The following ARL13B variants were observed in gnomAD, a reference collection of about 807,000 sequenced individuals.
ARL13B encodes ARF like GTPase 13B, also known as ADP-ribosylation factor-like protein 13B.
A neutral mutation model predicts 56.1 loss-of-function variants in ARL13B; 36 were observed. The ratio of observed to expected loss-of-function variants is 0.64; its 90% CI spans 0.49 to 0.85. ARL13B has a LOEUF of 0.85. ARL13B is among the 40% of genes least tolerant of loss of function. The pLI is 0.00. For missense variants in ARL13B, 519 were observed against 507.1 expected (o/e 1.02, Z -0.23); for synonymous variants, 178 against 171.1 (o/e 1.04, Z -0.32).
intron 3 of ARL13B, among the ~76,000 whole-genome samples, chr3:94,021,530 A>G (rs988770043): frequency 6.6e-6 from 1 of 152,184 alleles, no homozygotes; most frequent in Non-Finnish European, 1.5e-5. Flanking sequence ...TTATCCAGGT[A>G]TAGATACTTA....
intron 2 of ARL13B, among the ~76,000 whole-genome samples, chr3:93,998,097 T>A (rs776308844): frequency 2.0e-5 from 3 of 152,266 alleles, no homozygotes; most frequent in Non-Finnish European, 4.4e-5. Context: ...GGAAATATTT[T>A]TCTTTTAATT....
chr3:93,983,686 G>T (rs1368262359), intron 1 of ARL13B, among the ~76,000 whole-genome samples: 1 of 151,998 alleles, frequency 6.6e-6, no homozygotes, highest in Non-Finnish European at 1.5e-5. Context: ...TTACTAGGAA[G>T]ATTAACTTTT....
At chr3:93,980,621 G>C in intron 1 of ARL13B, 139 bp downstream of exon 1, 1 of 1,059,332 alleles carries the variant, frequency 9.4e-7, no homozygotes, top group Non-Finnish European at 1.4e-6. Flanking sequence ...GGGTGTCCCG[G>C]GAGGGAGAGA....
chr3:94,011,274 GTGCTAGCACACAAA>G (rs1382810602), intron 3 of ARL13B, among the ~76,000 whole-genome samples: 4 of 152,094 alleles, frequency 2.6e-5, no homozygotes, highest in Non-Finnish European at 5.9e-5. Flanking sequence ...TACACATTCT[GTGCTAGCACACAAA>G]TGCTAAACAT....
At chr3:94,040,111 A>G (rs1172275646) in intron 6 of ARL13B, 123 bp downstream of exon 6, 2 of 829,924 alleles carry the variant, frequency 2.4e-6, no homozygotes, top group Non-Finnish European at 3.9e-6. Context: ...GATTATTTCT[A>G]TAAGAAATTA....
chr3:93,980,762 G>GTGT (rs1559961502), intron 1 of ARL13B, among the ~76,000 whole-genome samples: 1 of 142,538 alleles, frequency 7.0e-6, no homozygotes, highest in African/African-American at 2.6e-5. Flanking sequence ...TGTGTGTGTG[G>GTGT]AATTGAAAAC....
In ARL13B at chr3:94,039,965, C is replaced by T. The variant is rs538624288; in HGVS notation, c.775C>T (p.Pro259Ser). The T allele has an allele frequency of 3.7e-6, 6 of 1,613,848 alleles. No homozygotes were observed. In the East Asian group the frequency reaches 1.1e-4, roughly 30 times the overall value. Residue 259 changes from proline (P) to serine (S), a missense_variant, in exon 6 of 10, where the codon CCA (proline) becomes TCA (serine). Coordinates refer to ENST00000394222, the MANE Select transcript of ARL13B (RefSeq NM_001174150.2). ...LDPEPTNPFQ[P>S]IASVIIENEG... ...CCCAGAACCAACGAATCCTTTCCAGCCAATAGCATCTGTAATCATTGAGGT... is the reference window on the plus strand; with the variant it reads ...CCCAGAACCAACGAATCCTTTCCAGTCAATAGCATCTGTAATCATTGAGGT...
intron 3 of ARL13B, among the ~76,000 whole-genome samples, chr3:94,012,240 T>G (rs572552604): frequency 1.1e-4 from 16 of 152,282 alleles, no homozygotes; most frequent in Admixed American, 2.6e-4. Context: ...CTTCTGGTCC[T>G]GACATATCTC....
chr3:93,983,209 C>A (rs1329595035), intron 1 of ARL13B, among the ~76,000 whole-genome samples: 1 of 152,104 alleles, frequency 6.6e-6, no homozygotes, highest in African/African-American at 2.4e-5. Flanking sequence ...GCATATTATT[C>A]CAGACATTGG....
intron 5 of ARL13B, among the ~76,000 whole-genome samples, chr3:94,037,072 C>T (rs2076781994): frequency 6.6e-6 from 1 of 152,044 alleles, no homozygotes; most frequent in South Asian, 2.1e-4. Flanking sequence ...TAACATTTGG[C>T]AGTGTCTGGA....
intron 3 of ARL13B, among the ~76,000 whole-genome samples, chr3:94,018,852 G>A (rs1380777077): frequency 1.3e-5 from 2 of 151,788 alleles, no homozygotes; most frequent in Non-Finnish European, 2.9e-5. Flanking sequence ...TGCAACCTCC[G>A]CCGTCCGGGT....
intron 3 of ARL13B, among the ~76,000 whole-genome samples, chr3:94,029,332 A>ATTTTT (rs1230277806): frequency 8.3e-5 from 6 of 72,374 alleles, no homozygotes; most frequent in African/African-American, 2.6e-4. Context: ...ATATATATAT[A>ATTTTT]TATTTATTTT....
chr3:94,015,942 G>A (rs866282546), intron 3 of ARL13B, among the ~76,000 whole-genome samples: 1 of 151,976 alleles, frequency 6.6e-6, no homozygotes, highest in East Asian at 1.9e-4. Flanking sequence ...TATCCAGACT[G>A]TCTTAGAACA....
At chr3:93,988,622 G>T (rs1710582913) in intron 1 of ARL13B, 1 of 491,164 alleles carries the variant, frequency 2.0e-6, no homozygotes, top group South Asian at 1.5e-5. Flanking sequence ...ATAAGACATG[G>T]TATATGATAT....
chr3:94,021,352 G>A (rs1455554423), intron 3 of ARL13B, among the ~76,000 whole-genome samples: 1 of 151,802 alleles, frequency 6.6e-6, no homozygotes, highest in Non-Finnish European at 1.5e-5. Context: ...CCATCACCAT[G>A]CCCAGATAAT....
At chr3:94,046,773 C>T (rs1193217046) in intron 7 of ARL13B, among the ~76,000 whole-genome samples, 1 of 152,088 alleles carries the variant, frequency 6.6e-6, no homozygotes, top group African/African-American at 2.4e-5. Context: ...AGGTTGCAAA[C>T]TTTATTGGTA....
chr3:94,045,666 A>T (rs887917817), intron 7 of ARL13B, among the ~76,000 whole-genome samples: 12 of 152,022 alleles, frequency 7.9e-5, no homozygotes, highest in African/African-American at 2.9e-4. Context: ...AATTTAAGAC[A>T]TACTATAAAG....
intron 5 of ARL13B, among the ~76,000 whole-genome samples, chr3:94,039,135 G>A (rs776736784): frequency 6.6e-6 from 1 of 152,110 alleles, no homozygotes; most frequent in Admixed American, 6.5e-5. Flanking sequence ...TAAAAACATA[G>A]GTTGAGTTGA....
intron 3 of ARL13B, among the ~76,000 whole-genome samples, chr3:94,005,234 G>T (rs2076115246): frequency 6.6e-6 from 1 of 151,998 alleles, no homozygotes; most frequent in African/African-American, 2.4e-5. Flanking sequence ...ACATTCTAGG[G>T]GGTGAGATAA....
Sources: gnomAD v4.1 joint callset for allele counts (sites outside exome capture counted in the v4.1 genomes callset) on GRCh38, gnomAD v4.1.1 for gene constraint, MANE v1.5 for transcripts, NCBI Gene and HGNC (gene_info 2026-07-23, HGNC 2026-07-21) for gene names.